Variants in SYNE3 observed in about 807,000 individuals in gnomAD.
SYNE3 encodes the protein nesprin-3.
A neutral mutation model predicts 111.2 loss-of-function variants in SYNE3; 100 were observed. The observed-to-expected ratio is 0.90, with a 90% CI of 0.77 to 1.06. The LOEUF (loss-of-function observed/expected upper bound fraction) is 1.06, where lower values mean the gene tolerates loss of function less well. SYNE3 is among the 50% of genes least tolerant of loss of function. The pLI is 0.00. For synonymous variants in SYNE3, 547 were observed against 533.9 expected (o/e 1.02, Z -0.34); for missense variants, 1,160 against 1,240.3 (o/e 0.94, Z 0.97).
intron 1 of SYNE3, among the ~76,000 whole-genome samples, chr14:95,515,277 C>T (rs1890875367): frequency 6.6e-6 from 1 of 152,248 alleles, no homozygotes; most frequent in African/African-American, 2.4e-5. Flanking sequence ...ACCGTCCGGC[C>T]TGAGGAATGT....
intron 14 of SYNE3, among the ~76,000 whole-genome samples, 197 bp from the exon 15 acceptor site, chr14:95,437,178 C>T (rs1222520494): frequency 6.6e-6 from 1 of 152,248 alleles, no homozygotes; most frequent in South Asian, 2.1e-4. Flanking sequence ...TCCTCACTGT[C>T]CCCTTTCTGG....
intron 2 of SYNE3, among the ~76,000 whole-genome samples, chr14:95,468,217 C>T (rs1345854016): frequency 4.6e-5 from 7 of 152,224 alleles, no homozygotes; most frequent in African/African-American, 7.2e-5. Flanking sequence ...CTTCCCCACT[C>T]GGCCCATTTC....
At chr14:95,435,556 A>G (rs1307849944) in intron 15 of SYNE3, among the ~76,000 whole-genome samples, 8 of 152,232 alleles carry the variant, frequency 5.3e-5, no homozygotes, top group African/African-American at 1.9e-4. Flanking sequence ...CAGAGGTGAT[A>G]TTTTAAGAAA....
chr14:95,515,796 C>A (rs575151115), intron 1 of SYNE3, among the ~76,000 whole-genome samples: 1 of 152,248 alleles, frequency 6.6e-6, no homozygotes, highest in Non-Finnish European at 1.5e-5. Flanking sequence ...AAGTGGTTAA[C>A]TGAAAATATT....
chr14:95,429,646 G>A (rs901033314), intron 17 of SYNE3, among the ~76,000 whole-genome samples: 3 of 152,172 alleles, frequency 2.0e-5, no homozygotes, highest in Non-Finnish European at 4.4e-5. Flanking sequence ...ACCAAAGTCA[G>A]ATTTTTACAC....
At chr14:95,459,969 C>T (rs376095314) in intron 4 of SYNE3, among the ~76,000 whole-genome samples, 5 of 151,282 alleles carry the variant, frequency 3.3e-5, no homozygotes, top group Non-Finnish European at 3.0e-5. Context: ...TTGTGAAGGG[C>T]GCTTGTAGTC....
rs1162991836 is a variant in SYNE3 at position 95,459,397 on chromosome 14, CA to C, written c.628-2060del. Among the ~76,000 whole-genome samples the C allele has an allele frequency of 2.6e-5, 4 of 151,910 alleles. No homozygotes were observed. In the East Asian group the frequency reaches 5.8e-4, roughly 22 times the overall value. On this transcript the variant is annotated intron_variant, in intron 4 of 17. Transcript: ENST00000682763. Reference sequence around the variant, plus strand: ...GCAACACGGTCAGACGTCATTTTTACAAAAAATCAATAAAAACATTAGCAGG... The same window carrying C: ...GCAACACGGTCAGACGTCATTTTTACAAAAATCAATAAAAACATTAGCAGG...
chr14:95,486,793 T>C (rs1889573228), intron 1 of SYNE3, among the ~76,000 whole-genome samples: 1 of 152,188 alleles, frequency 6.6e-6, no homozygotes, highest in Non-Finnish European at 1.5e-5. Flanking sequence ...TTTACACTTT[T>C]TTGTTTTTAT....
chr14:95,444,636 GAC>G lies in SYNE3; in HGVS notation c.1633-10_1633-9del. The G allele has an allele frequency of 6.8e-7, 1 of 1,479,420 alleles. No individual in the cohort carries two copies. Among genetic ancestry groups the G allele is most frequent in the South Asian group, 1.3e-5 (1 of 78,414 alleles). The allele number at this position is 1,479,420 out of a possible 1,614,324, so 91.6% of individuals were successfully genotyped here. ...GTGCTGAGCGAGCAGGCTCTGCAGA[GAC>G]ACAGGACAGTGTGCACATTAAGAGC... On this transcript the variant is annotated splice_polypyrimidine_tract_variant and intron_variant, in intron 9 of 17. Coordinates refer to ENST00000682763, the MANE Select transcript of SYNE3 (RefSeq NM_152592.6).
Position 95,443,144 on chromosome 14 carries a change from CA to C in SYNE3, c.1911+10del, listed in dbSNP as rs1566964102. 2 of 1,613,468 alleles carry C rather than the reference CA, an allele frequency of 1.2e-6. No individual in the cohort carries two copies. The highest frequency in any genetic ancestry group is 2.7e-5 in the African/African-American group (2 of 74,920). ...TCTGTCAAAGCACAGGCCCTTCTGC[CA>C]GCCCCTTACCTCCAGAGACCTCTGC... On this transcript the variant is annotated intron_variant, in intron 11 of 17. Transcript: ENST00000682763.
At chr14:95,495,243 G>A (rs1161765191) in intron 1 of SYNE3, among the ~76,000 whole-genome samples, 3 of 152,242 alleles carry the variant, frequency 2.0e-5, no homozygotes, top group East Asian at 3.8e-4. Context: ...TTCCTTCCAA[G>A]AGTGTCTGTG....
chr14:95,471,506 C>T (rs1595232147), intron 2 of SYNE3, among the ~76,000 whole-genome samples: 1 of 152,218 alleles, frequency 6.6e-6, no homozygotes, highest in South Asian at 2.1e-4. Flanking sequence ...AGGCAAGACA[C>T]CAAGCCCCCT....
At chr14:95,469,209 AG>A (rs765591466) in intron 2 of SYNE3, among the ~76,000 whole-genome samples, 3 of 152,108 alleles carry the variant, frequency 2.0e-5, no homozygotes, top group Non-Finnish European at 2.9e-5. Flanking sequence ...CTGGCTTCCC[AG>A]CAGCCTGCTT....
At chr14:95,506,000 T>C (rs1299024528) in intron 1 of SYNE3, among the ~76,000 whole-genome samples, 1 of 152,170 alleles carries the variant, frequency 6.6e-6, no homozygotes, top group Non-Finnish European at 1.5e-5. Context: ...CTCTAACTCA[T>C]TGGTCCAGGG....
At chr14:95,464,820 C>T (rs1888065556) in intron 4 of SYNE3, among the ~76,000 whole-genome samples, 1 of 152,210 alleles carries the variant, frequency 6.6e-6, no homozygotes, top group African/African-American at 2.4e-5. Flanking sequence ...TGTCAGGGGA[C>T]ACATAGGTGC....
Position 95,440,093 on chromosome 14 carries a change from G to A in SYNE3, c.1912-18C>T, listed in dbSNP as rs758637386. ...ACAAGGTCCTGCAGCACAGCCCGGGGAGCCCAGGGCATCCTGAGTGCTGGC... is the reference window on the plus strand; with the variant it reads ...ACAAGGTCCTGCAGCACAGCCCGGGAAGCCCAGGGCATCCTGAGTGCTGGC... On this transcript the variant is annotated intron_variant, in intron 11 of 17. Transcript: ENST00000682763. The A allele has an allele frequency of 1.3e-5, 21 of 1,583,808 alleles. No individual in the cohort carries two copies. Among genetic ancestry groups the A allele is most frequent in the Non-Finnish European group, 1.8e-5 (21 of 1,168,888 alleles).
intron 1 of SYNE3, among the ~76,000 whole-genome samples, chr14:95,498,608 G>T (rs951047589): frequency 6.6e-6 from 1 of 152,180 alleles, no homozygotes; most frequent in Non-Finnish European, 1.5e-5. Context: ...AGACAGAAAA[G>T]GTACAGACTT....
chr14:95,459,703 A>G (rs1384030133), intron 4 of SYNE3, among the ~76,000 whole-genome samples: 1 of 152,200 alleles, frequency 6.6e-6, no homozygotes, highest in Non-Finnish European at 1.5e-5. Flanking sequence ...ATATGAATTC[A>G]TATAAACCTT....
chr14:95,507,563 C>T (rs546403204), intron 1 of SYNE3, among the ~76,000 whole-genome samples: 10 of 152,326 alleles, frequency 6.6e-5, no homozygotes, highest in Admixed American at 5.2e-4. Context: ...CCTCCCTGGG[C>T]ATTTGGGTGT....
Sources: gnomAD v4.1 joint callset for allele counts (sites outside exome capture counted in the v4.1 genomes callset) on GRCh38, gnomAD v4.1.1 for gene constraint, MANE v1.5 for transcripts, NCBI Gene and HGNC (gene_info 2026-07-23, HGNC 2026-07-21) for gene names.